Variants in ALDH4A1 observed in about 807,000 individuals in gnomAD.
The protein encoded by ALDH4A1 is delta-1-pyrroline-5-carboxylate dehydrogenase, mitochondrial.
ALDH4A1 carries 46 observed loss-of-function variants against 70.5 expected under a neutral mutation model. The observed-to-expected ratio is 0.65, with a 90% CI of 0.51 to 0.83. The LOEUF (loss-of-function observed/expected upper bound fraction) is 0.83. ALDH4A1 is among the 40% of genes least tolerant of loss of function. The probability of loss-of-function intolerance (pLI) is 0.00; values close to 1 mark genes in which losing one functional copy is unlikely to be tolerated. For synonymous variants in ALDH4A1, 323 were observed against 324.3 expected (o/e 1.00, Z 0.04); for missense variants, 749 against 766.5 (o/e 0.98, Z 0.27).
In ALDH4A1 at chr1:18,885,603, G is replaced by T. The variant is rs760034715; in HGVS notation, c.323C>A (p.Ala108Asp). Residue 108 changes from alanine (A) to aspartate (D), a missense_variant, in exon 5 of 15, where the codon GCT becomes GAT. Physicochemically the swap from Ala to Asp is moderately radical, Grantham distance 126. Transcript: ENST00000375341. Reference sequence around the variant, plus strand: ...CCACTCTTTCCGGGCAGCCAGGGCAGCCTCAATGGCTTTGTTGAGCAGGCT... The same window carrying T: ...CCACTCTTTCCGGGCAGCCAGGGCATCCTCAATGGCTTTGTTGAGCAGGCT... ...DKSLLNKAIE[A>D]ALAARKEWDL... 3.1e-6 allele frequency: 5 copies of T among 1,613,930 alleles called. No homozygotes were observed. The highest frequency in any genetic ancestry group is 3.4e-6 in the Non-Finnish European group (4 of 1,180,014).
At chr1:18,873,927 T>C (rs2100549333) in intron 14 of ALDH4A1, among the ~76,000 whole-genome samples, 1 of 152,258 alleles carries the variant, frequency 6.6e-6, no homozygotes. Context: ...CATCTGAAGT[T>C]GGGGGGTCAG....
chr1:18,902,495 C>T lies in ALDH4A1; in HGVS notation c.29G>A (p.Arg10His), dbSNP rs1306402874. The change falls in exon 1 of 15, where the codon CGC becomes CAC. Residue 10 changes from arginine (R) to histidine (H), a missense_variant. Arg to His is a conservative substitution (Grantham distance 29). Coordinates refer to ENST00000375341, the MANE Select transcript of ALDH4A1 (RefSeq NM_003748.4). Reference protein sequence around the residue: MLLPAPALRRALLSRPWTGA... With the variant: MLLPAPALRHALLSRPWTGA... ...GGTCCAGGGGCGGGACAGCAGGGCG[C>T]GGCGGAGCGCGGGCGCCGGCAGCAG... 1 of 1,478,240 alleles carries T rather than the reference C, an allele frequency of 6.8e-7. No homozygotes were observed. Among genetic ancestry groups the T allele is most frequent in the African/African-American group, 1.4e-5 (1 of 69,978 alleles). The allele number at this position is 1,478,240 out of a possible 1,614,324, so 91.6% of individuals were successfully genotyped here.
intron 7 of ALDH4A1, among the ~76,000 whole-genome samples, chr1:18,882,400 C>T (rs1458005727): frequency 3.9e-5 from 6 of 152,210 alleles, no homozygotes; most frequent in African/African-American, 1.2e-4. Flanking sequence ...TCGGGGTTCC[C>T]GACAACTATG....
chr1:18,874,036 G>A (rs573946469), intron 14 of ALDH4A1, among the ~76,000 whole-genome samples: 8 of 152,336 alleles, frequency 5.3e-5, no homozygotes, highest in African/African-American at 1.9e-4. Flanking sequence ...TCCATCAAGA[G>A]CTGGAGAACT....
At chr1:18,875,615 T>A in intron 12 of ALDH4A1, 112 bp from the exon 13 acceptor site, 1 of 1,554,636 alleles carries the variant, frequency 6.4e-7, no homozygotes, top group Non-Finnish European at 8.8e-7. Flanking sequence ...GGGCCTCAGT[T>A]TACACTTCAG....
intron 7 of ALDH4A1, chr1:18,882,459 A>C: frequency 2.1e-6 from 1 of 468,250 alleles, no homozygotes; most frequent in Non-Finnish European, 4.4e-6. Flanking sequence ...CACCTCCCCC[A>C]CAGGCCTGGG....
At position 18,883,188 on chromosome 1, in the gene ALDH4A1, G is replaced by A. The variant is rs751831373; in HGVS notation, c.614C>T (p.Ala205Val). 72 of 1,613,182 alleles carry A rather than the reference G, an allele frequency of 4.5e-5. No individual in the cohort carries two copies. In the South Asian group the frequency reaches 6.5e-4, roughly 15 times the overall value. Residue 205 changes from alanine (A) to valine (V), a missense_variant, in exon 7 of 15, where the codon GCG (alanine) becomes GTG (valine). Coordinates refer to ENST00000375341, the MANE Select transcript of ALDH4A1 (RefSeq NM_003748.4). ...AGTGAAGTTAAAGGGCGAGATGGCC[G>A]CCACGAAGCCCTGGGGAAGGAGGCA... ...TVYRGLEGFV[A>V]AISPFNFTAI...
chr1:18,878,893 G>A (rs1048302095), intron 9 of ALDH4A1, among the ~76,000 whole-genome samples: 1 of 152,142 alleles, frequency 6.6e-6, no homozygotes, highest in African/African-American at 2.4e-5. Context: ...CTACTCATGG[G>A]CCTTGCTTTG....
intron 1 of ALDH4A1, among the ~76,000 whole-genome samples, chr1:18,893,126 C>A (rs2100602215): frequency 6.6e-6 from 1 of 152,336 alleles, no homozygotes; most frequent in African/African-American, 2.4e-5. Flanking sequence ...CTGTCCCAGC[C>A]CCTCTTTGGA....
chr1:18,880,070 G>A lies in ALDH4A1; in HGVS notation c.867-697C>T, dbSNP rs999953888. On this transcript the variant is annotated intron_variant, in intron 8 of 14. Transcript: ENST00000375341. The surrounding 1 kb of genome is among the most constrained non-coding windows in gnomAD (Gnocchi z 5.1). The stretch of plus-strand genomic sequence containing the variant: ...AATGGGGTCCAGGCCCGCTCCGCCC[G>A]CTGATAGGCGGGGAGCCCAGGGGCC... Among the ~76,000 whole-genome samples, 17 of 152,212 alleles carry A rather than the reference G, an allele frequency of 1.1e-4. No individual in the cohort carries two copies. The highest frequency in any genetic ancestry group is 3.6e-4 in the African/African-American group (15 of 41,462).
chr1:18,889,152 C>T (rs1168974334), intron 3 of ALDH4A1, among the ~76,000 whole-genome samples: 1 of 152,216 alleles, frequency 6.6e-6, no homozygotes, highest in Non-Finnish European at 1.5e-5. Flanking sequence ...CTTGCCCAGA[C>T]ACAGGATGCC....
chr1:18,883,419 C>G lies in ALDH4A1; in HGVS notation c.463G>C (p.Val155Leu). The stretch of plus-strand genomic sequence containing the variant: ...GCAGCGTCAATCTCCGCTTGGATCA[C>G]GGTCTTACCCTGCAAGGCAGAGGGC... ...AKTMVGQGKT[V>L]IQAEIDAAAE... The change falls in exon 6 of 15, where the codon GTG (valine) becomes CTG (leucine). Residue 155 changes from valine to leucine, a missense_variant. Val to Leu is a conservative substitution (Grantham distance 32). Coordinates refer to ENST00000375341, the MANE Select transcript of ALDH4A1 (RefSeq NM_003748.4). 6.2e-7 allele frequency: 1 copy of G among 1,613,394 alleles called. No homozygotes were observed. Among genetic ancestry groups the G allele is most frequent in the South Asian group, 1.1e-5 (1 of 91,090 alleles).
intron 1 of ALDH4A1, among the ~76,000 whole-genome samples, chr1:18,895,852 C>G (rs1390901692): frequency 6.6e-6 from 1 of 152,214 alleles, no homozygotes; most frequent in African/African-American, 2.4e-5. Flanking sequence ...TCACTCAGGT[C>G]CACACCGCAA....
chr1:18,873,507 G>A (rs1048107550), intron 14 of ALDH4A1, among the ~76,000 whole-genome samples: 1 of 152,160 alleles, frequency 6.6e-6, no homozygotes, highest in Non-Finnish European at 1.5e-5. Flanking sequence ...CCCCAGGGAG[G>A]GCAGAGGGGC....
At chr1:18,892,582 C>T (rs868443931) in intron 1 of ALDH4A1, among the ~76,000 whole-genome samples, 14 of 150,704 alleles carry the variant, frequency 9.3e-5, no homozygotes, top group African/African-American at 3.2e-4. Context: ...GAGGGGCCTG[C>T]GTGGTAGAGG....
At chr1:18,896,831 T>C (rs1352165952) in intron 1 of ALDH4A1, among the ~76,000 whole-genome samples, 1 of 150,584 alleles carries the variant, frequency 6.6e-6, no homozygotes, top group East Asian at 2.0e-4. Context: ...AAGAAGAGGT[T>C]GGAGTGAGCC....
At chr1:18,885,431 A>ACCCCCCCCCCCCCCCCCCCCCCCCCC in intron 5 of ALDH4A1, 42 bp downstream of exon 5, 63 of 478,970 alleles carry the variant, frequency 1.3e-4, no homozygotes, top group East Asian at 3.0e-4. Flanking sequence ...CCTGACTCCC[A>ACCCCCCCCCCCCCCCCCCCCCCCCCC]CCCCACCCCG....
intron 3 of ALDH4A1, among the ~76,000 whole-genome samples, chr1:18,888,399 C>G (rs1468104473): frequency 6.6e-6 from 1 of 152,208 alleles, no homozygotes; most frequent in Admixed American, 6.5e-5. Flanking sequence ...TGCCCCAGAA[C>G]CCCAAATGTC....
intron 12 of ALDH4A1, 122 bp downstream of exon 12, chr1:18,876,193 T>G: frequency 2.2e-6 from 3 of 1,345,290 alleles, no homozygotes; most frequent in Non-Finnish European, 3.1e-6. Context: ...GGCATTCCCT[T>G]TTAGGGTCTC....
Sources: gnomAD v4.1 joint callset for allele counts (sites outside exome capture counted in the v4.1 genomes callset) on GRCh38, gnomAD v4.1.1 for gene constraint, Gnocchi (gnomAD v3.1) non-coding constraint, MANE v1.5 for transcripts, NCBI Gene and HGNC (gene_info 2026-07-23, HGNC 2026-07-21) for gene names.